Variants in MYO16 observed in about 807,000 individuals in gnomAD.
MYO16 encodes unconventional myosin-XVI.
In MYO16, 94 loss-of-function variants were observed where a neutral mutation model predicts 205.3. That is an observed-to-expected ratio of 0.46 (90% CI 0.39 to 0.54). The LOEUF is 0.54. Ranked by LOEUF, MYO16 falls within the 20% of genes least tolerant of loss-of-function variation. The probability of loss-of-function intolerance (pLI) is 0.00; values close to 1 mark genes in which losing one functional copy is unlikely to be tolerated. For missense variants in MYO16, 2,315 were observed against 2,387.5 expected (o/e 0.97, Z 0.63); for synonymous variants, 988 against 954.0 (o/e 1.04, Z -0.66).
chr13:108,722,483 TATATCACTTGAGAGGGGCTG>T (rs1210094599), intron 3 of MYO16, among the ~76,000 whole-genome samples: 1 of 152,186 alleles, frequency 6.6e-6, no homozygotes, highest in Non-Finnish European at 1.5e-5. Context: ...TTCCCAAAAT[TATATCACTTGAGAGGGGCTG>T]ATATCACTTT....
chr13:108,917,458 A>G (rs961251184), intron 16 of MYO16, among the ~76,000 whole-genome samples: 7 of 152,328 alleles, frequency 4.6e-5, no homozygotes, highest in African/African-American at 1.2e-4. Flanking sequence ...GTCAGAATGC[A>G]AGTGTCAGTA....
At chr13:109,172,172 A>G (rs1299294608) in intron 33 of MYO16, among the ~76,000 whole-genome samples, 1 of 152,212 alleles carries the variant, frequency 6.6e-6, no homozygotes, top group East Asian at 1.9e-4. Context: ...TATCTTTAAT[A>G]TGTATTTTAC....
chr13:108,706,181 T>C (rs1326267038), intron 2 of MYO16, among the ~76,000 whole-genome samples: 1 of 152,216 alleles, frequency 6.6e-6, no homozygotes, highest in Non-Finnish European at 1.5e-5. Context: ...AAAATCTATA[T>C]GAAAGTATCA....
At chr13:108,747,074 C>CT (rs1181474786) in intron 4 of MYO16, among the ~76,000 whole-genome samples, 1 of 152,080 alleles carries the variant, frequency 6.6e-6, no homozygotes, top group Non-Finnish European at 1.5e-5. Flanking sequence ...TTCAATTATC[C>CT]TGTGAAAAAG....
intron 4 of MYO16, among the ~76,000 whole-genome samples, chr13:108,760,052 A>AT (rs1227635306): frequency 3.9e-5 from 6 of 152,170 alleles, no homozygotes; most frequent in African/African-American, 1.4e-4. Context: ...TTTATCTTTT[A>AT]TTGTGTGGGG....
chr13:108,885,931 T>G (rs1242137511), intron 13 of MYO16, among the ~76,000 whole-genome samples: 1 of 152,142 alleles, frequency 6.6e-6, no homozygotes, highest in Non-Finnish European at 1.5e-5. Context: ...GACAGGTATT[T>G]GCTCATGGAA....
chr13:108,756,317 T>C (rs1885420955), intron 4 of MYO16, among the ~76,000 whole-genome samples: 1 of 152,132 alleles, frequency 6.6e-6, no homozygotes, highest in South Asian at 2.1e-4. Flanking sequence ...GAATTATATA[T>C]GTATGAGAAA....
chr13:108,764,512 G>A (rs1371066481), intron 4 of MYO16, among the ~76,000 whole-genome samples: 2 of 132,384 alleles, frequency 1.5e-5, no homozygotes, highest in Non-Finnish European at 3.1e-5. Context: ...GCACCGGCTG[G>A]TTTCATTCAA....
At chr13:109,152,497 T>C (rs1232900408) in intron 32 of MYO16, among the ~76,000 whole-genome samples, 2 of 152,204 alleles carry the variant, frequency 1.3e-5, no homozygotes, top group East Asian at 3.8e-4. Flanking sequence ...CTTGAAGTTA[T>C]CTCTAATTTA....
intron 11 of MYO16, among the ~76,000 whole-genome samples, chr13:108,862,984 T>C (rs1878519403): frequency 6.6e-6 from 1 of 152,094 alleles, no homozygotes; most frequent in Admixed American, 6.6e-5. Context: ...TTATGGAAAA[T>C]AAGAAGAAAA....
In MYO16 at chr13:108,795,930, A is replaced by C. The variant is rs533513649; in HGVS notation, c.741+2290A>C. ...CAAGGGTGTTTTGAATAATGACTTC[A>C]AAGAAGAGACAGCACAGTGGGGCTG... On this transcript the variant is annotated intron_variant, in intron 6 of 34. Transcript: ENST00000457511. Among the ~76,000 whole-genome samples, 6 of 152,332 alleles carry C rather than the reference A, an allele frequency of 3.9e-5. No individual in the cohort carries two copies. In the South Asian group the frequency reaches 1.0e-3, roughly 26 times the overall value.
intron 9 of MYO16, among the ~76,000 whole-genome samples, chr13:108,832,524 T>G (rs1024327098): frequency 2.0e-5 from 3 of 152,006 alleles, no homozygotes; most frequent in African/African-American, 7.2e-5. Flanking sequence ...TAGGTGCCCA[T>G]TTGGTCCAGT....
chr13:108,656,821 T>A (rs1306803924), intron 1 of MYO16, among the ~76,000 whole-genome samples: 1 of 152,230 alleles, frequency 6.6e-6, no homozygotes, highest in Non-Finnish European at 1.5e-5. Context: ...CTCAGCTTTT[T>A]GAGTTCTACT....
At chr13:109,185,139 T>G (rs1028201766) in intron 34 of MYO16, among the ~76,000 whole-genome samples, 10 of 152,206 alleles carry the variant, frequency 6.6e-5, no homozygotes, top group Non-Finnish European at 1.5e-4. Flanking sequence ...ATGGGAAACC[T>G]GCAGTTAGCA....
the MYO16 span, among the ~76,000 whole-genome samples, chr13:108,529,584 C>A: frequency 1.3e-5 from 2 of 152,162 alleles, no homozygotes; most frequent in African/African-American, 2.4e-5. Flanking sequence ...TAATCAGAGG[C>A]AGACTGGGGA....
chr13:109,205,374 C>T (rs1310674123), intron 34 of MYO16, among the ~76,000 whole-genome samples: 1 of 152,226 alleles, frequency 6.6e-6, no homozygotes, highest in Non-Finnish European at 1.5e-5. Context: ...GGAACACTCA[C>T]TCCCTTTGCT....
At chr13:108,906,335 A>T (rs1221598379) in intron 15 of MYO16, among the ~76,000 whole-genome samples, 1 of 152,194 alleles carries the variant, frequency 6.6e-6, no homozygotes, top group Non-Finnish European at 1.5e-5. Flanking sequence ...ACAATAAAAA[A>T]TATCTTCCAG....
At chr13:108,553,280 C>T in the MYO16 span, among the ~76,000 whole-genome samples, 873 of 152,076 alleles carry the variant, frequency 5.7e-3, 13 homozygotes, top group African/African-American at 0.019. Flanking sequence ...TGTGAGCCAC[C>T]GCGCCTGGCG....
At chr13:108,517,320 G>A in the MYO16 span, among the ~76,000 whole-genome samples, 1 of 152,108 alleles carries the variant, frequency 6.6e-6, no homozygotes, top group Non-Finnish European at 1.5e-5. Context: ...TGCCTAGAAA[G>A]GGAGGGTGAA....
Sources: allele counts gnomAD v4.1 joint callset (sites outside exome capture counted in the v4.1 genomes callset), GRCh38; gene constraint gnomAD v4.1.1; transcripts MANE v1.5; gene names NCBI Gene and HGNC (gene_info 2026-07-23, HGNC 2026-07-21).